The following DNM3 variants were observed in gnomAD, a reference collection of about 807,000 sequenced individuals.
The protein encoded by DNM3 is dynamin 3, also known as dynamin-3.
In DNM3, 47 loss-of-function variants were observed where a neutral mutation model predicts 101.6. The ratio of observed to expected loss-of-function variants is 0.46; its 90% CI spans 0.37 to 0.59. The LOEUF is 0.59. Ranked by LOEUF, DNM3 falls within the 20% of genes least tolerant of loss-of-function variation. The pLI, the probability that DNM3 is intolerant of heterozygous loss-of-function variation, is 0.00. For missense variants in DNM3, 849 were observed against 1,085.7 expected (o/e 0.78, Z 3.06); for synonymous variants, 385 against 387.9 (o/e 0.99, Z 0.09).
intron 1 of DNM3, among the ~76,000 whole-genome samples, chr1:171,874,310 T>C (rs527606610): frequency 6.6e-6 from 1 of 152,324 alleles, no homozygotes; most frequent in South Asian, 2.1e-4. Context: ...AGGTTAATTA[T>C]CTCTTAATTA....
intron 1 of DNM3, among the ~76,000 whole-genome samples, chr1:171,871,864 G>GTTT (rs57412557): frequency 0.028 from 3,761 of 136,418 alleles, 74 homozygotes; most frequent in Middle Eastern, 0.071. Context: ...TTGTTGTCTT[G>GTTT]TTTTTTTTTT....
intron 15 of DNM3, among the ~76,000 whole-genome samples, chr1:172,284,035 A>G (rs1274975546): frequency 1.3e-5 from 2 of 152,178 alleles, no homozygotes; most frequent in Middle Eastern, 3.2e-3. Flanking sequence ...GCTTACAATT[A>G]AATCCAGGAA....
At chr1:172,040,319 G>A (rs1461331594) in intron 7 of DNM3, among the ~76,000 whole-genome samples, 1 of 152,084 alleles carries the variant, frequency 6.6e-6, no homozygotes, top group East Asian at 1.9e-4. Context: ...ATAATTTGCA[G>A]CTACTTTTCA....
intron 4 of DNM3, among the ~76,000 whole-genome samples, chr1:172,005,797 A>G (rs959982827): frequency 6.6e-6 from 1 of 152,102 alleles, no homozygotes; most frequent in Non-Finnish European, 1.5e-5. Context: ...ACTTAATGGA[A>G]ACTTTTGCTG....
chr1:172,156,368 G>T (rs2058339387), intron 14 of DNM3, among the ~76,000 whole-genome samples: 1 of 152,034 alleles, frequency 6.6e-6, no homozygotes. Flanking sequence ...CCTGGACCAG[G>T]CTCTGTAGTA....
intron 2 of DNM3, among the ~76,000 whole-genome samples, chr1:171,938,976 A>G (rs1201714769): frequency 6.6e-6 from 1 of 152,142 alleles, no homozygotes; most frequent in African/African-American, 2.4e-5. Context: ...GGTTATTGGG[A>G]TACCACTGTG....
intron 12 of DNM3, among the ~76,000 whole-genome samples, chr1:172,084,332 A>G (rs1558542947): frequency 6.6e-6 from 1 of 152,130 alleles, no homozygotes; most frequent in Non-Finnish European, 1.5e-5. Context: ...GTGTGCACAC[A>G]TACACACACA....
At chr1:172,227,504 A>G (rs539538277) in intron 14 of DNM3, among the ~76,000 whole-genome samples, 2 of 152,090 alleles carry the variant, frequency 1.3e-5, no homozygotes, top group East Asian at 1.9e-4. Context: ...AGAGATCTCC[A>G]TACTGTTTTC....
intron 1 of DNM3, chr1:171,864,635 T>C (rs962013545): frequency 6.6e-6 from 1 of 152,184 alleles, no homozygotes; most frequent in Non-Finnish European, 1.5e-5. Context: ...AAAGAGATCA[T>C]AGTTTATAAA....
intron 1 of DNM3, among the ~76,000 whole-genome samples, chr1:171,882,009 T>G (rs1483448188): frequency 6.6e-6 from 1 of 152,200 alleles, no homozygotes; most frequent in African/African-American, 2.4e-5. Flanking sequence ...AACTTTATTT[T>G]GAAATAATTT....
At chr1:171,969,276 T>A (rs2043816926) in intron 2 of DNM3, among the ~76,000 whole-genome samples, 1 of 152,194 alleles carries the variant, frequency 6.6e-6, no homozygotes, top group African/African-American at 2.4e-5. Flanking sequence ...GCCACATGGT[T>A]GATGCTAAAG....
intron 14 of DNM3, among the ~76,000 whole-genome samples, chr1:172,212,584 TC>T (rs1329836856): frequency 6.6e-6 from 1 of 152,184 alleles, no homozygotes; most frequent in Non-Finnish European, 1.5e-5. Context: ...TGGTGCACAG[TC>T]ACCACAGGAG....
intron 4 of DNM3, among the ~76,000 whole-genome samples, chr1:172,008,727 C>T (rs1392382308): frequency 6.8e-6 from 1 of 146,282 alleles, no homozygotes; most frequent in Non-Finnish European, 1.5e-5. Context: ...TTGTCTGAAA[C>T]CAATTATGTA....
chr1:171,895,803 A>G (rs2037736381), intron 1 of DNM3, among the ~76,000 whole-genome samples: 1 of 151,996 alleles, frequency 6.6e-6, no homozygotes, highest in Admixed American at 6.6e-5. Context: ...TCCATCTTGA[A>G]TTAATTTTTG....
At chr1:171,909,727 A>G (rs2039138175) in intron 1 of DNM3, among the ~76,000 whole-genome samples, 1 of 152,162 alleles carries the variant, frequency 6.6e-6, no homozygotes, top group Non-Finnish European at 1.5e-5. Context: ...AAATGCACAC[A>G]CTCAACCATA....
chr1:172,161,570 G>C (rs905648000), intron 14 of DNM3, among the ~76,000 whole-genome samples: 1 of 152,042 alleles, frequency 6.6e-6, no homozygotes, highest in East Asian at 1.9e-4. Context: ...TTTTAAGAGA[G>C]ATATGAAAAA....
Position 171,841,537 on chromosome 1 carries a change from C to G in DNM3, c.-120C>G, listed in dbSNP as rs1453995555. The G allele has an allele frequency of 7.2e-7, 1 of 1,382,564 alleles. No individual in the cohort carries two copies. Among genetic ancestry groups the G allele is most frequent in the Admixed American group, 2.9e-5 (1 of 34,390 alleles). The allele number at this position is 1,382,564 out of a possible 1,614,324, so 85.6% of individuals were successfully genotyped here. On this transcript the variant is annotated 5_prime_UTR_variant, in exon 1 of 21. Coordinates refer to ENST00000627582, the MANE Select transcript of DNM3 (RefSeq NM_015569.5). ...GGCTGGCGGCGGGCTCCGACGTCTG[C>G]GCCAGGACCTGGCTGGCTGAGCCCG... is the stretch of plus-strand genomic sequence containing the variant.
At chr1:172,289,105 A>T (rs2063807144) in intron 15 of DNM3, among the ~76,000 whole-genome samples, 1 of 152,162 alleles carries the variant, frequency 6.6e-6, no homozygotes, top group African/African-American at 2.4e-5. Flanking sequence ...GGGGAAAAAA[A>T]GATTCAAAGG....
intron 14 of DNM3, among the ~76,000 whole-genome samples, chr1:172,152,354 C>G (rs572696763): frequency 6.8e-6 from 1 of 147,600 alleles, no homozygotes; most frequent in South Asian, 2.2e-4. Context: ...GTCCCTCATT[C>G]TTTTTAATCT....
Sources: gnomAD v4.1 joint callset for allele counts (sites outside exome capture counted in the v4.1 genomes callset) on GRCh38, gnomAD v4.1.1 for gene constraint, MANE v1.5 for transcripts, NCBI Gene and HGNC (gene_info 2026-07-23, HGNC 2026-07-21) for gene names.